Variants in NUP93 observed in about 807,000 individuals in gnomAD.
NUP93 encodes nuclear pore complex protein Nup93.
Under a neutral mutation model 107.8 loss-of-function variants are expected in NUP93, and 55 were observed. That is an observed-to-expected ratio of 0.51 (90% CI 0.41 to 0.64). The LOEUF (loss-of-function observed/expected upper bound fraction) is 0.64. NUP93 is among the 30% of genes least tolerant of loss of function. The probability of loss-of-function intolerance (pLI) is 0.00; values close to 1 mark genes in which losing one functional copy is unlikely to be tolerated. For missense variants in NUP93, 937 were observed against 1,044.7 expected (o/e 0.90, Z 1.42); for synonymous variants, 390 against 397.5 (o/e 0.98, Z 0.22).
At chr16:56,778,980 G>C (rs1170932813) in intron 3 of NUP93, among the ~76,000 whole-genome samples, 3 of 152,170 alleles carry the variant, frequency 2.0e-5, no homozygotes, top group African/African-American at 7.2e-5. Flanking sequence ...GTAGTGGTGG[G>C]GTGGAAAGGG....
In NUP93 at chr16:56,738,340, T is replaced by C. The variant is rs114471016; in HGVS notation, c.-15+8129T>C. The stretch of plus-strand genomic sequence containing the variant: ...GTGGATAATTTATTTTTCTTTGTGA[T>C]GCCAGGTTATTACTTCTCTTTGCTC... On this transcript the variant is annotated intron_variant, in intron 1 of 21. Transcript: ENST00000308159. Among the ~76,000 whole-genome samples, 485 of 152,334 alleles carry C rather than the reference T, an allele frequency of 3.2e-3. 4 individuals carry two copies. Among genetic ancestry groups the C allele is most frequent in the African/African-American group, 0.011 (450 of 41,574 alleles).
At chr16:56,785,140 G>A (rs903898816) in intron 3 of NUP93, among the ~76,000 whole-genome samples, 2 of 152,202 alleles carry the variant, frequency 1.3e-5, no homozygotes, top group Non-Finnish European at 2.9e-5. Context: ...AAATGAAAGA[G>A]TTTTAGGTCA....
At chr16:56,787,870 C>CGTGA (rs1962663505) in intron 3 of NUP93, among the ~76,000 whole-genome samples, 1 of 152,136 alleles carries the variant, frequency 6.6e-6, no homozygotes, top group African/African-American at 2.4e-5. Flanking sequence ...TCTTATCTTG[C>CGTGA]CCATCACCTT....
intron 3 of NUP93, chr16:56,781,813 C>T: frequency 2.0e-6 from 2 of 984,724 alleles, no homozygotes; most frequent in Non-Finnish European, 2.4e-6. Flanking sequence ...AAATACCCTT[C>T]TGTAACCTAT....
chr16:56,770,964 T>C (rs1454644568), intron 3 of NUP93, among the ~76,000 whole-genome samples: 1 of 152,148 alleles, frequency 6.6e-6, no homozygotes, highest in Non-Finnish European at 1.5e-5. Flanking sequence ...TCAATTCCTA[T>C]AAATTGACAC....
intron 1 of NUP93, among the ~76,000 whole-genome samples, chr16:56,743,010 A>G (rs1038383346): frequency 6.6e-6 from 1 of 152,260 alleles, no homozygotes; most frequent in Non-Finnish European, 1.5e-5. Flanking sequence ...GATTCAGACC[A>G]TCTACAAAAT....
chr16:56,739,764 C>T (rs1961684021), intron 1 of NUP93, among the ~76,000 whole-genome samples: 1 of 113,044 alleles, frequency 8.8e-6, no homozygotes, highest in Non-Finnish European at 1.8e-5. Context: ...GCTGGCCGGG[C>T]AGAGGGGCTC....
chr16:56,753,932 G>C (rs1320666058), intron 2 of NUP93, among the ~76,000 whole-genome samples: 7 of 151,956 alleles, frequency 4.6e-5, no homozygotes, highest in African/African-American at 1.7e-4. Context: ...CATGCAAATT[G>C]TTGGGGCTGG....
rs374284384 is a variant in NUP93, at chr16:56,821,534, G to A, written c.595G>A (p.Gly199Arg). Reference sequence around the variant, plus strand: ...TATCTATAATGAGAAAATTGTAAATGGACACCTGCAGCCTAACCTGGTGGA... The same window carrying A: ...TATCTATAATGAGAAAATTGTAAATAGACACCTGCAGCCTAACCTGGTGGA... Reference protein sequence around the residue: ...IYIYNEKIVNGHLQPNLVDLC... With the variant: ...IYIYNEKIVNRHLQPNLVDLC... Residue 199 changes from glycine to arginine, a missense_variant, in exon 7 of 22, where the codon GGA (glycine) becomes AGA (arginine). Gly to Arg is a moderately radical substitution (Grantham distance 125, BLOSUM62 -2). Transcript: ENST00000308159. 3 of 1,612,496 alleles carry A rather than the reference G, an allele frequency of 1.9e-6. No individual in the cohort carries two copies. The African/African-American group carries it at 4.0e-5, about 22-fold the overall frequency.
Position 56,829,317 on chromosome 16 carries a change from T to C in NUP93, c.927+208T>C, listed in dbSNP as rs60310821. Among the ~76,000 whole-genome samples, 14,773 of 151,990 alleles carry C rather than the reference T, an allele frequency of 0.097. 753 individuals are homozygous for C. Among genetic ancestry groups the C allele is most frequent in the East Asian group, 0.15 (782 of 5,164 alleles). On this transcript the variant is annotated intron_variant, in intron 9 of 21. Transcript: ENST00000308159. ...GGACTCAGCTCCGGGTGGAGAAGAG[T>C]GCATGGAGAAGATGTCATTGGGTTC...
At chr16:56,792,669 T>A (rs535605894) in intron 3 of NUP93, among the ~76,000 whole-genome samples, 3 of 152,358 alleles carry the variant, frequency 2.0e-5, no homozygotes, top group African/African-American at 4.8e-5. Context: ...AACACACTTA[T>A]ACCTGGCACA....
At chr16:56,762,151 C>T (rs1962138761) in intron 3 of NUP93, among the ~76,000 whole-genome samples, 1 of 152,186 alleles carries the variant, frequency 6.6e-6, no homozygotes, top group African/African-American at 2.4e-5. Flanking sequence ...CAGAGATCCA[C>T]TTGCTCACTT....
At chr16:56,766,146 C>T (rs778647119) in intron 3 of NUP93, among the ~76,000 whole-genome samples, 3 of 152,118 alleles carry the variant, frequency 2.0e-5, no homozygotes, top group Non-Finnish European at 2.9e-5. Context: ...TCTGAACGAG[C>T]GGGAAATGAC....
intron 3 of NUP93, among the ~76,000 whole-genome samples, chr16:56,768,487 C>A (rs554063982): frequency 6.6e-6 from 1 of 151,472 alleles, no homozygotes; most frequent in Non-Finnish European, 1.5e-5. Flanking sequence ...TGCTTGAACC[C>A]GGGAGGCGGA....
chr16:56,788,287 T>C lies in NUP93; in HGVS notation c.298-10189T>C, dbSNP rs534017714. On this transcript the variant is annotated intron_variant, in intron 3 of 21. Coordinates refer to ENST00000308159, the MANE Select transcript of NUP93 (RefSeq NM_014669.5). ...GGCACATCCTGCTGCATCACGGCCCTTCTCACTAGGACACGGGCTCTGGCC... is the reference window on the plus strand; with the variant it reads ...GGCACATCCTGCTGCATCACGGCCCCTCTCACTAGGACACGGGCTCTGGCC... 2.0e-5 allele frequency among the ~76,000 whole-genome samples: 3 copies of C among 152,306 alleles called. No homozygotes were observed. The East Asian group carries it at 5.8e-4, about 29-fold the overall frequency.
chr16:56,839,635 C>T (rs770390368), intron 20 of NUP93, 31 bp downstream of exon 20: 2 of 1,532,366 alleles, frequency 1.3e-6, no homozygotes, highest in South Asian at 1.1e-5. Context: ...TTGTGGAATT[C>T]CTTTTTCCCC....
intron 2 of NUP93, among the ~76,000 whole-genome samples, chr16:56,750,274 G>A (rs1455870294): frequency 1.3e-5 from 2 of 152,078 alleles, no homozygotes; most frequent in Non-Finnish European, 2.9e-5. Context: ...AGAAACCAAA[G>A]GGCTGATGAC....
intron 1 of NUP93, among the ~76,000 whole-genome samples, chr16:56,741,508 C>T (rs1259830424): frequency 3.9e-5 from 6 of 152,240 alleles, no homozygotes; most frequent in African/African-American, 1.2e-4. Flanking sequence ...AATCTTCTCA[C>T]CCATTCCGTC....
intron 3 of NUP93, among the ~76,000 whole-genome samples, chr16:56,770,281 C>T (rs191107055): frequency 1.3e-5 from 2 of 152,266 alleles, no homozygotes; most frequent in African/African-American, 2.4e-5. Context: ...GGGCTGGTGC[C>T]GTGTCCTGTT....
Sources: gnomAD v4.1 joint callset for allele counts (sites outside exome capture counted in the v4.1 genomes callset) on GRCh38, gnomAD v4.1.1 for gene constraint, MANE v1.5 for transcripts, NCBI Gene and HGNC (gene_info 2026-07-23, HGNC 2026-07-21) for gene names.